Variants in CCDC175 observed in about 807,000 individuals in gnomAD.
CCDC175 encodes the protein coiled-coil domain-containing protein 175.
In CCDC175, 100 loss-of-function variants were observed where a neutral mutation model predicts 114.6. The observed-to-expected ratio is 0.87, with a 90% CI of 0.74 to 1.03. The LOEUF (loss-of-function observed/expected upper bound fraction) is 1.03. CCDC175 is among the 50% of genes least tolerant of loss of function. CCDC175 has a pLI of 0.00. For missense variants in CCDC175, 880 were observed against 917.8 expected, an observed-to-expected ratio of 0.96 and a Z score of 0.53; for synonymous variants, 306 against 308.7, an observed-to-expected ratio of 0.99 and a Z score of 0.09.
chr14:59,570,762 G>T (rs1896805408), intron 3 of CCDC175, among the ~76,000 whole-genome samples: 1 of 106,078 alleles, frequency 9.4e-6, no homozygotes, highest in Non-Finnish European at 2.1e-5. Context: ...TTTGTTTTGA[G>T]ATGAAGTCTC....
chr14:59,540,299 G>A (rs1375895732), intron 11 of CCDC175, among the ~76,000 whole-genome samples: 2 of 152,108 alleles, frequency 1.3e-5, no homozygotes, highest in African/African-American at 2.4e-5. Context: ...GAGCTAATAA[G>A]GACAGCAACC....
rs186451430 is a variant in CCDC175, at chr14:59,573,535, C to T, written c.244-722G>A. Among the ~76,000 whole-genome samples, 273 of 151,796 alleles carry T rather than the reference C, an allele frequency of 1.8e-3. 2 individuals carry two copies. In the Middle Eastern group the frequency reaches 0.024, roughly 13 times the overall value. On this transcript the variant is annotated intron_variant, in intron 2 of 19. Coordinates refer to ENST00000537690, the MANE Select transcript of CCDC175 (RefSeq NM_001164399.2). Reference sequence around the variant, plus strand: ...TGATTATTTTAATGTGGTCCTTTTGCTTATCTATTTTTTCTTAATTTTTCA... The same window carrying T: ...TGATTATTTTAATGTGGTCCTTTTGTTTATCTATTTTTTCTTAATTTTTCA...
In CCDC175 at chr14:59,524,317, C is replaced by T. The variant is rs552998647; in HGVS notation, c.1995+965G>A. ...AACATTTAAAATGTTAAAACGAATA[C>T]ATTTTAAGTATAAATAGACTTTAAT... On this transcript the variant is annotated intron_variant, in intron 16 of 19. Coordinates refer to ENST00000537690, the MANE Select transcript of CCDC175 (RefSeq NM_001164399.2). Among the ~76,000 whole-genome samples, 117 of 140,968 alleles carry T rather than the reference C, an allele frequency of 8.3e-4. No individual in the cohort carries two copies. In the South Asian group the frequency reaches 0.028, roughly 34 times the overall value. 92.5% of individuals were successfully genotyped at this position (140,968 alleles called of 152,430 possible). A position where few individuals can be genotyped will look rare whatever the true frequency, so the allele number is the denominator to read the frequency against.
chr14:59,515,522 C>G (rs1448506129), intron 17 of CCDC175, among the ~76,000 whole-genome samples: 2 of 152,132 alleles, frequency 1.3e-5, no homozygotes, highest in Non-Finnish European at 2.9e-5. Flanking sequence ...CAATCCTAGT[C>G]TCTCATAAAA....
rs1469707257 is a variant in CCDC175, at chr14:59,525,418, T to A, written c.1859A>T (p.Glu620Val). The change falls in exon 16 of 20, where the codon GAA (glutamate) becomes GTA (valine). Residue 620 changes from glutamate to valine, a missense_variant. Physicochemically the swap from Glu to Val is moderately radical, Grantham distance 121. Transcript: ENST00000537690. ...YISNMEDVKQ[E>V]LQQLRDQESK... ...TTCTTGATCTCGTAATTGTTGTAAT[T>A]CTTGTTTTACATCTTCCTGCTCAAA... 3.3e-6 allele frequency: 5 copies of A among 1,514,544 alleles called. No individual in the cohort carries two copies. The highest frequency in any genetic ancestry group is 1.7e-4 in the Middle Eastern group (1 of 5,938). 93.8% of individuals were successfully genotyped at this position (1,514,544 alleles called of 1,614,324 possible). A position where few individuals can be genotyped will look rare whatever the true frequency, so the allele number is the denominator to read the frequency against.
At chr14:59,538,298 A>G (rs1894538134) in intron 12 of CCDC175, 144 bp from the exon 13 acceptor site, 2 of 680,582 alleles carry the variant, frequency 2.9e-6, no homozygotes, top group Non-Finnish European at 4.6e-6. Flanking sequence ...ACTGAGAGGA[A>G]TATTTTTTTC....
At chr14:59,560,178 A>G (rs995880452) in intron 7 of CCDC175, among the ~76,000 whole-genome samples, 1 of 152,092 alleles carries the variant, frequency 6.6e-6, no homozygotes, top group Non-Finnish European at 1.5e-5. Context: ...ATGATGGTAG[A>G]TCAGCATTGT....
At chr14:59,530,464 G>A (rs528107532) in intron 14 of CCDC175, among the ~76,000 whole-genome samples, 13 of 141,534 alleles carry the variant, frequency 9.2e-5, no homozygotes, top group African/African-American at 3.3e-4. Context: ...GAGAGGAGGG[G>A]AGGGGAGGGG....
chr14:59,561,063 T>G lies in CCDC175; in HGVS notation c.953+56A>C, dbSNP rs1896198833. 8.2e-6 allele frequency: 7 copies of G among 851,590 alleles called. 1 individual carries two copies. In the South Asian group the frequency reaches 1.1e-4, roughly 13 times the overall value. 52.8% of individuals were successfully genotyped at this position (851,590 alleles called of 1,614,324 possible). ...TGAAAACATAGCATATTAACTATAT[T>G]ATATCATATTAACATATCTCGAAAC... On this transcript the variant is annotated intron_variant, in intron 7 of 19. Transcript: ENST00000537690.
At chr14:59,505,547 A>C in intron 19 of CCDC175, 1 of 304,166 alleles carries the variant, frequency 3.3e-6, no homozygotes, top group Non-Finnish European at 6.0e-6. Context: ...CTAGCAGAAA[A>C]GTATATATGC....
In CCDC175 at chr14:59,551,947, G is replaced by A. The variant is rs538796771; in HGVS notation, c.954-511C>T. On this transcript the variant is annotated intron_variant, in intron 7 of 19. Transcript: ENST00000537690. ...GGGGCGCCCGCCATTGCCAAGGCTT[G>A]AATAGGTAAACAAAGCGGCCTGGAA... Among the ~76,000 whole-genome samples the A allele has an allele frequency of 3.7e-3, 561 of 152,362 alleles. 1 individual carries two copies. The highest frequency in any genetic ancestry group is 6.5e-3 in the Non-Finnish European group (442 of 68,040).
chr14:59,570,061 G>A (rs912393316), intron 3 of CCDC175, among the ~76,000 whole-genome samples: 5 of 152,056 alleles, frequency 3.3e-5, no homozygotes, highest in Admixed American at 1.3e-4. Flanking sequence ...GGGTGTTAGG[G>A]GTACCTGCCC....
chr14:59,540,647 A>ACTTTTTTTTTTTTTTTTTTTTTTTTTTCT, intron 11 of CCDC175, 28 bp downstream of exon 11: 1 of 1,163,252 alleles, frequency 8.6e-7, no homozygotes, highest in Non-Finnish European at 1.2e-6. Context: ...ACACAAATAA[A>ACTTTTTTTTTTTTTTTTTTTTTTTTTTCT]CTTTTTTTTT....
At chr14:59,511,694 T>C (rs1566591954) in intron 18 of CCDC175, 66 bp downstream of exon 18, 1 of 1,297,998 alleles carries the variant, frequency 7.7e-7, no homozygotes, top group East Asian at 2.5e-5. Context: ...ACACACTTAT[T>C]AGGTAGGTAA....
chr14:59,574,651 A>C (rs533303199), intron 2 of CCDC175, among the ~76,000 whole-genome samples: 12 of 152,194 alleles, frequency 7.9e-5, no homozygotes, highest in Middle Eastern at 3.4e-3. Context: ...CATGTGGTCC[A>C]CCTCTTAACT....
intron 2 of CCDC175, among the ~76,000 whole-genome samples, 180 bp from the exon 3 acceptor site, chr14:59,572,993 T>A (rs1369367123): frequency 6.6e-6 from 1 of 152,172 alleles, no homozygotes; most frequent in East Asian, 1.9e-4. Context: ...ATTTAAGGTG[T>A]CTGTTAGTTT....
chr14:59,533,602 A>C (rs984928918), intron 13 of CCDC175, among the ~76,000 whole-genome samples: 4 of 152,230 alleles, frequency 2.6e-5, no homozygotes, highest in African/African-American at 9.6e-5. Flanking sequence ...AAGAAGCTAA[A>C]ATGCATAGAA....
intron 13 of CCDC175, among the ~76,000 whole-genome samples, chr14:59,537,578 G>A (rs990515421): frequency 6.6e-6 from 1 of 152,042 alleles, no homozygotes; most frequent in Non-Finnish European, 1.5e-5. Context: ...GCACTTCTGG[G>A]TACTTTCAGT....
chr14:59,517,188 C>G (rs559015322), intron 17 of CCDC175, among the ~76,000 whole-genome samples: 2 of 152,112 alleles, frequency 1.3e-5, no homozygotes, highest in Non-Finnish European at 2.9e-5. Context: ...TAAGAGCTAT[C>G]TATGACAAAC....
Sources: allele counts gnomAD v4.1 joint callset (sites outside exome capture counted in the v4.1 genomes callset), GRCh38; gene constraint gnomAD v4.1.1; transcripts MANE v1.5; gene names NCBI Gene and HGNC (gene_info 2026-07-23, HGNC 2026-07-21).